The following ZFR2 variants were observed in gnomAD, a reference collection of about 807,000 sequenced individuals.
ZFR2 encodes zinc finger RNA binding protein 2, also known as zinc finger RNA-binding protein 2.
ZFR2 carries 104 observed loss-of-function variants against 105.7 expected under a neutral mutation model. The ratio of observed to expected loss-of-function variants is 0.98; its 90% confidence interval spans 0.84 to 1.16. The LOEUF (loss-of-function observed/expected upper bound fraction) is 1.16, where lower values mean the gene tolerates loss of function less well. ZFR2 is among the 50% of genes most tolerant of loss of function. ZFR2 has a pLI of 0.00. For missense variants in ZFR2, 1,425 were observed against 1,355.5 expected (o/e 1.05, Z -0.80); for synonymous variants, 634 against 597.7 (o/e 1.06, Z -0.89).
chr19:3,831,348 C>G lies in ZFR2; in HGVS notation c.807G>C (p.Gln269His). ...PRPKAGPRQL[Q>H]LHYCDICKIS... ...TCTTGCAGATGTCGCAGTAGTGAAG[C>G]TGGAGCTGCCTGGGCCCCGCCTTGG... The change falls in exon 5 of 19, where the codon CAG (glutamine) becomes CAC (histidine). Residue 269 changes from glutamine to histidine, a missense_variant. Gln to His is a conservative substitution (Grantham distance 24). Coordinates refer to ENST00000262961, the MANE Select transcript of ZFR2 (RefSeq NM_015174.2). 6.4e-7 allele frequency: 1 copy of G among 1,556,990 alleles called. No individual in the cohort carries two copies. The highest frequency in any genetic ancestry group is 8.7e-7 in the Non-Finnish European group (1 of 1,152,496).
At chr19:3,821,253 C>T (rs918528436) in intron 10 of ZFR2, 87 bp downstream of exon 10, 36 of 1,405,152 alleles carry the variant, frequency 2.6e-5, no homozygotes, top group South Asian at 9.0e-5. Context: ...GGAGGAGCTC[C>T]GTAATCTGCA....
chr19:3,831,284 T>C lies in ZFR2; in HGVS notation c.852+19A>G. 1.3e-6 allele frequency: 2 copies of C among 1,501,066 alleles called. No individual in the cohort carries two copies. The highest frequency in any genetic ancestry group is 1.4e-5 in the African/African-American group (1 of 72,306). 93.0% of individuals were successfully genotyped at this position (1,501,066 alleles called of 1,614,324 possible). On this transcript the variant is annotated intron_variant, in intron 5 of 18. Transcript: ENST00000262961. The stretch of plus-strand genomic sequence containing the variant: ...CAGAGAGGTCCCTGGGGCCTGCCCA[T>C]GGCAGGAGGGCGACTGACCTGGGGG...
chr19:3,822,023 G>A (rs1347299975), intron 9 of ZFR2, 58 bp downstream of exon 9: 2 of 1,523,880 alleles, frequency 1.3e-6, no homozygotes, highest in African/African-American at 1.4e-5. Context: ...GCCTCCCAGC[G>A]CCCGCCGGGC....
rs2037686187 is a variant in ZFR2, at chr19:3,805,519, G to A, written c.*430C>T. The stretch of plus-strand genomic sequence containing the variant: ...TGCACACCACCACGCCAGGCTAATT[G>A]TTGTGTTTTTTACTAGAGACAGGGT... On this transcript the variant is annotated 3_prime_UTR_variant, in exon 19 of 19. Transcript: ENST00000262961. 6.3e-6 allele frequency: 1 copy of A among 157,936 alleles called. No homozygotes were observed. The highest frequency in any genetic ancestry group is 1.9e-4 in the East Asian group (1 of 5,310). 9.8% of individuals were successfully genotyped at this position (157,936 alleles called of 1,614,324 possible).
intron 1 of ZFR2, among the ~76,000 whole-genome samples, chr19:3,841,689 C>G (rs1366875787): frequency 2.0e-5 from 3 of 152,018 alleles, no homozygotes; most frequent in Admixed American, 6.5e-5. Flanking sequence ...ACCTGTAGTC[C>G]CAGCTACTCA....
rs1458215418 is a variant in ZFR2 at position 3,858,201 on chromosome 19, T to C, written c.53+10764A>G. Among the ~76,000 whole-genome samples the C allele has an allele frequency of 6.6e-6, 1 of 152,140 alleles. No homozygotes were observed. Among genetic ancestry groups the C allele is most frequent in the Non-Finnish European group, 1.5e-5 (1 of 68,030 alleles). ...GCCCATCTGAGCTGCCCACGTCACC[T>C]GGCCCAGAGCTCTTTCTGTAGGGCC... On this transcript the variant is annotated intron_variant, in intron 1 of 18. Coordinates refer to ENST00000262961, the MANE Select transcript of ZFR2 (RefSeq NM_015174.2). This position sits in a 1 kb window ranked among gnomAD's most constrained non-coding sequence, Gnocchi z 4.3.
intron 1 of ZFR2, among the ~76,000 whole-genome samples, chr19:3,841,914 G>A (rs2038136539): frequency 6.6e-6 from 1 of 152,014 alleles, no homozygotes; most frequent in Non-Finnish European, 1.5e-5. Context: ...AGCCTCCCAA[G>A]TAGCTAGGAT....
rs576450405 is a variant in ZFR2 at position 3,807,551 on chromosome 19, G to A, written c.2546-282C>T. ...TGTGCACCCATGCATATACACATAC[G>A]CTGACGTGTGTGTCCATGCGTGCCC... On this transcript the variant is annotated intron_variant, in intron 17 of 18. Coordinates refer to ENST00000262961, the MANE Select transcript of ZFR2 (RefSeq NM_015174.2). 5.6e-5 allele frequency among the ~76,000 whole-genome samples: 7 copies of A among 126,078 alleles called. No individual in the cohort carries two copies. The East Asian group carries it at 1.4e-3, about 25-fold the overall frequency. The allele number at this position is 126,078 out of a possible 152,430, so 82.7% of individuals were successfully genotyped here. A position where few individuals can be genotyped will look rare whatever the true frequency, so the allele number is the denominator to read the frequency against.
chr19:3,829,875 A>T (rs2037992345), intron 5 of ZFR2, among the ~76,000 whole-genome samples: 1 of 152,186 alleles, frequency 6.6e-6, no homozygotes, highest in Non-Finnish European at 1.5e-5. Context: ...GGGCTTCAAC[A>T]CATCTTGGTT....
Position 3,831,689 on chromosome 19 carries a change from G to A in ZFR2, c.569C>T (p.Ser190Phe), listed in dbSNP as rs541938923. 1.3e-6 allele frequency: 2 copies of A among 1,572,022 alleles called. No homozygotes were observed. The highest frequency in any genetic ancestry group is 4.6e-5 in the East Asian group (2 of 43,838). ...ASIVTSYPPP[S>F]YNPTCTAYTA... ...GTAGGCGGTGCAGGTGGGGTTGTAG[G>A]AGGGCGGGGGGTAGGAGGTCACGAT... is the stretch of plus-strand genomic sequence containing the variant. Residue 190 changes from serine to phenylalanine, a missense_variant, in exon 4 of 19, where the codon TCC becomes TTC. Physicochemically the swap from Ser to Phe is radical, Grantham distance 155. Coordinates refer to ENST00000262961, the MANE Select transcript of ZFR2 (RefSeq NM_015174.2).
intron 6 of ZFR2, among the ~76,000 whole-genome samples, chr19:3,826,372 T>A (rs2037949812): frequency 6.6e-6 from 1 of 150,796 alleles, no homozygotes; most frequent in African/African-American, 2.4e-5. Flanking sequence ...AAGCCAGCTG[T>A]CCCCTCCCTG....
chr19:3,815,230 C>T (rs2037812494), intron 13 of ZFR2, among the ~76,000 whole-genome samples: 1 of 152,078 alleles, frequency 6.6e-6, no homozygotes, highest in Non-Finnish European at 1.5e-5. Context: ...GCTGGGATTA[C>T]AGGCGCCCAC....
intron 12 of ZFR2, 140 bp downstream of exon 12, chr19:3,818,905 T>C: frequency 9.3e-7 from 1 of 1,071,490 alleles, no homozygotes; most frequent in South Asian, 1.7e-5. Flanking sequence ...AACTTCCTAC[T>C]CCTGGGGCTG....
At position 3,809,959 on chromosome 19, in the gene ZFR2, A is replaced by T. The variant is rs976419141; in HGVS notation, c.2433+791T>A. 7.2e-5 allele frequency among the ~76,000 whole-genome samples: 11 copies of T among 152,062 alleles called. No individual in the cohort carries two copies. The East Asian group carries it at 9.6e-4, about 13-fold the overall frequency. The stretch of plus-strand genomic sequence containing the variant: ...GACTCCATCTCAAAAAAATGATTTT[A>T]AAAAAAAGTAAAAAAGAGACTTAAT... On this transcript the variant is annotated intron_variant, in intron 16 of 18. Coordinates refer to ENST00000262961, the MANE Select transcript of ZFR2 (RefSeq NM_015174.2).
chr19:3,828,832 G>C (rs1384280743), intron 5 of ZFR2, among the ~76,000 whole-genome samples: 1 of 152,182 alleles, frequency 6.6e-6, no homozygotes, highest in Non-Finnish European at 1.5e-5. Flanking sequence ...AGTGGGCACT[G>C]CCCCGTCACC....
intron 1 of ZFR2, among the ~76,000 whole-genome samples, chr19:3,839,513 T>C (rs375734050): frequency 1.8e-5 from 2 of 111,122 alleles, no homozygotes; most frequent in Admixed American, 1.4e-4. Flanking sequence ...CACTCCAGCC[T>C]GGGTGACAGA....
intron 1 of ZFR2, among the ~76,000 whole-genome samples, chr19:3,854,353 A>C (rs977600879): frequency 2.6e-5 from 4 of 151,940 alleles, no homozygotes; most frequent in African/African-American, 9.7e-5. Flanking sequence ...AGATCGCACC[A>C]CTGCACTCCA....
In ZFR2 at chr19:3,805,897, A is replaced by G. The variant is rs1017016772; in HGVS notation, c.*52T>C. 1.4e-6 allele frequency: 2 copies of G among 1,451,332 alleles called. No homozygotes were observed. Among genetic ancestry groups the G allele is most frequent in the Non-Finnish European group, 1.8e-6 (2 of 1,103,778 alleles). The allele number at this position is 1,451,332 out of a possible 1,614,324, so 89.9% of individuals were successfully genotyped here. A position where few individuals can be genotyped will look rare whatever the true frequency, so the allele number is the denominator to read the frequency against. ...GAAGCAGCCATTGGTCGGCGCGCAC[A>G]CGTCCAGGAGTGCAGGGATGCAAAG... On this transcript the variant is annotated 3_prime_UTR_variant, in exon 19 of 19. Coordinates refer to ENST00000262961, the MANE Select transcript of ZFR2 (RefSeq NM_015174.2).
chr19:3,828,163 G>A (rs960453626), intron 5 of ZFR2, among the ~76,000 whole-genome samples: 128 of 135,276 alleles, frequency 9.5e-4, no homozygotes, highest in African/African-American at 3.4e-3. Context: ...TTTTTTTTTC[G>A]AGACAGGGTC....
Sources: gnomAD v4.1 joint callset for allele counts (sites outside exome capture counted in the v4.1 genomes callset) on GRCh38, gnomAD v4.1.1 for gene constraint, Gnocchi (gnomAD v3.1) non-coding constraint, MANE v1.5 for transcripts, NCBI Gene and HGNC (gene_info 2026-07-23, HGNC 2026-07-21) for gene names.